The following LRP1B variants were observed in gnomAD, a reference collection of about 807,000 sequenced individuals.
LRP1B encodes the protein low-density lipoprotein receptor-related protein 1B.
Under a neutral mutation model 556.6 loss-of-function variants are expected in LRP1B, and 217 were observed. The observed-to-expected ratio is 0.39, with a 90% CI of 0.35 to 0.44. The LOEUF is 0.44. Among genes scored for constraint, LRP1B ranks in the 20% least tolerant of loss-of-function variants. LRP1B has a pLI of 1.00. For missense variants in LRP1B, 5,053 were observed against 5,620.8 expected (o/e 0.90, Z 3.23); for synonymous variants, 2,047 against 1,865.8 (o/e 1.10, Z -2.50).
chr2:140,981,815 G>C (rs1200270629), intron 18 of LRP1B, among the ~76,000 whole-genome samples: 1 of 152,066 alleles, frequency 6.6e-6, no homozygotes, highest in Non-Finnish European at 1.5e-5. Context: ...GTTACTCCAT[G>C]AACTATTCTC....
At chr2:140,455,851 C>T (rs148341784) in intron 62 of LRP1B, among the ~76,000 whole-genome samples, 40 of 152,232 alleles carry the variant, frequency 2.6e-4, no homozygotes, top group Non-Finnish European at 1.3e-4. Context: ...TAGTGGCTCA[C>T]GTGTTACAAA....
intron 41 of LRP1B, among the ~76,000 whole-genome samples, chr2:140,608,231 A>G (rs192314515): frequency 0.015 from 2,231 of 152,272 alleles, 31 homozygotes; most frequent in Non-Finnish European, 0.021. Flanking sequence ...TAAGTAAATT[A>G]AAATCAATAG....
intron 18 of LRP1B, among the ~76,000 whole-genome samples, chr2:140,962,271 T>C (rs1172257018): frequency 6.6e-6 from 1 of 152,116 alleles, no homozygotes; most frequent in Non-Finnish European, 1.5e-5. Context: ...ATCTCCTTAT[T>C]GAGGTTTTGC....
At chr2:140,586,946 A>G (rs562179915) in intron 43 of LRP1B, among the ~76,000 whole-genome samples, 9 of 152,274 alleles carry the variant, frequency 5.9e-5, no homozygotes, top group Non-Finnish European at 1.5e-5. Flanking sequence ...AAGTAGCTAT[A>G]ATAAAATTTT....
At chr2:140,899,990 A>C (rs994761009) in intron 23 of LRP1B, among the ~76,000 whole-genome samples, 34 of 152,228 alleles carry the variant, frequency 2.2e-4, no homozygotes, top group African/African-American at 7.9e-4. Flanking sequence ...AAAAAAAAAC[A>C]AAAAACTATG....
chr2:141,353,904 T>G (rs1688531786), intron 3 of LRP1B, among the ~76,000 whole-genome samples: 1 of 152,032 alleles, frequency 6.6e-6, no homozygotes, highest in Non-Finnish European at 1.5e-5. Context: ...CGTAGCTACT[T>G]TCTTATCTTG....
chr2:142,095,239 A>C (rs1353658579), intron 1 of LRP1B, among the ~76,000 whole-genome samples: 2 of 151,634 alleles, frequency 1.3e-5, no homozygotes, highest in East Asian at 3.9e-4. Flanking sequence ...AATGCACAAG[A>C]GTATAAGTTA....
intron 43 of LRP1B, among the ~76,000 whole-genome samples, chr2:140,578,319 G>T (rs1240511556): frequency 2.6e-5 from 4 of 152,064 alleles, no homozygotes; most frequent in Non-Finnish European, 5.9e-5. Flanking sequence ...GGTGGGGGCG[G>T]ACGACTTTAA....
chr2:141,824,623 G>A (rs1426267396), intron 1 of LRP1B, among the ~76,000 whole-genome samples: 2 of 152,196 alleles, frequency 1.3e-5, no homozygotes, highest in South Asian at 2.1e-4. Flanking sequence ...AAAGTGCTGG[G>A]ATTACAGGCG....
intron 32 of LRP1B, among the ~76,000 whole-genome samples, chr2:140,807,174 A>G (rs1315197029): frequency 6.6e-6 from 1 of 152,190 alleles, no homozygotes; most frequent in Non-Finnish European, 1.5e-5. Context: ...GGAAAAAGAT[A>G]AATAAAAATT....
intron 1 of LRP1B, among the ~76,000 whole-genome samples, chr2:141,903,090 AT>A (rs1283379912): frequency 6.6e-6 from 1 of 151,694 alleles, no homozygotes; most frequent in African/African-American, 2.4e-5. Flanking sequence ...AATATTGACA[AT>A]GTTAACTAGC....
At chr2:141,944,366 C>T (rs966475196) in intron 1 of LRP1B, among the ~76,000 whole-genome samples, 19 of 152,260 alleles carry the variant, frequency 1.2e-4, no homozygotes, top group Admixed American at 1.2e-3. Flanking sequence ...AGTCCCAGAC[C>T]TTGACAATAC....
intron 6 of LRP1B, among the ~76,000 whole-genome samples, chr2:141,190,464 T>A (rs569072065): frequency 5.3e-5 from 8 of 152,124 alleles, no homozygotes; most frequent in Admixed American, 1.3e-4. Context: ...TGAAATTGCA[T>A]GTTAATTTGT....
intron 11 of LRP1B, among the ~76,000 whole-genome samples, chr2:141,033,718 C>T (rs1698445809): frequency 6.6e-6 from 1 of 152,080 alleles, no homozygotes; most frequent in African/African-American, 2.4e-5. Context: ...CCCATGGGAA[C>T]ACTGTGAGAA....
At chr2:140,895,924 T>C (rs1693941014) in intron 23 of LRP1B, among the ~76,000 whole-genome samples, 1 of 152,020 alleles carries the variant, frequency 6.6e-6, no homozygotes, top group African/African-American at 2.4e-5. Context: ...GGGGTTTTCA[T>C]GAGTACAGGA....
intron 6 of LRP1B, among the ~76,000 whole-genome samples, chr2:141,191,846 T>C (rs963962102): frequency 4.6e-5 from 7 of 151,916 alleles, no homozygotes; most frequent in African/African-American, 1.7e-4. Context: ...TCAAATATCT[T>C]GGGTTCAGAT....
At chr2:140,300,468 C>G (rs965811765) in intron 83 of LRP1B, among the ~76,000 whole-genome samples, 1 of 152,048 alleles carries the variant, frequency 6.6e-6, no homozygotes, top group African/African-American at 2.4e-5. Context: ...AGTCCTGTTA[C>G]AATGATTAAG....
At chr2:141,200,052 G>C (rs1354570467) in intron 6 of LRP1B, among the ~76,000 whole-genome samples, 1 of 152,070 alleles carries the variant, frequency 6.6e-6, no homozygotes, top group East Asian at 1.9e-4. Flanking sequence ...ACTACCATTG[G>C]ACCCAGCAAT....
chr2:141,860,891 G>T (rs1698217891), intron 1 of LRP1B, among the ~76,000 whole-genome samples: 1 of 152,040 alleles, frequency 6.6e-6, no homozygotes, highest in Non-Finnish European at 1.5e-5. Context: ...GTAAGTTAAG[G>T]CTGAGCTAGG....
Sources: allele counts gnomAD v4.1 joint callset (sites outside exome capture counted in the v4.1 genomes callset), GRCh38; gene constraint gnomAD v4.1.1; transcripts MANE v1.5; gene names NCBI Gene and HGNC (gene_info 2026-07-23, HGNC 2026-07-21).